Variants in SCN11A observed in about 807,000 individuals in gnomAD.
SCN11A encodes the protein sodium voltage-gated channel alpha subunit 11, also known as sodium channel protein type 11 subunit alpha.
SCN11A carries 122 observed loss-of-function variants against 162.2 expected under a neutral mutation model. The observed-to-expected ratio is 0.75, with a 90% CI of 0.65 to 0.87. The LOEUF (loss-of-function observed/expected upper bound fraction) is 0.87, where lower values mean the gene tolerates loss of function less well. SCN11A is among the 40% of genes least tolerant of loss of function. SCN11A has a pLI of 0.00. For missense variants in SCN11A, 2,015 were observed against 2,181.6 expected (o/e 0.92, Z 1.52); for synonymous variants, 758 against 751.5 (o/e 1.01, Z -0.14).
At position 38,939,884 on chromosome 3, in the gene SCN11A, CAA is replaced by C. The variant is rs545546594; in HGVS notation, c.488+5525_488+5526del. 4.8e-3 allele frequency among the ~76,000 whole-genome samples: 708 copies of C among 147,688 alleles called. 4 individuals carry two copies. Among genetic ancestry groups the C allele is most frequent in the African/African-American group, 0.016 (637 of 39,952 alleles). On this transcript the variant is annotated intron_variant, in intron 7 of 29. Transcript: ENST00000302328. The stretch of plus-strand genomic sequence containing the variant: ...CGCCATTGCACTCCAGCCTGAGCGA[CAA>C]GAGTGAAACCCCATCTCAAAAAAAA...
At chr3:38,925,097 C>A (rs542899787) in intron 9 of SCN11A, among the ~76,000 whole-genome samples, 1 of 152,070 alleles carries the variant, frequency 6.6e-6, no homozygotes, top group East Asian at 1.9e-4. Context: ...TATATTTTCC[C>A]TGGCACATAG....
At position 39,000,675 on chromosome 3, in the gene SCN11A, C is replaced by T. The variant is rs116226911; in HGVS notation, c.-280+31705G>A. ...AACTGTTACGGTTTGATCTTATTAG[C>T]ATGTATTTCATTCACTACCTAGCAC... On this transcript the variant is annotated intron_variant, in intron 2 of 29. Coordinates refer to ENST00000302328, the MANE Select transcript of SCN11A (RefSeq NM_001349253.2). 8.0e-3 allele frequency among the ~76,000 whole-genome samples: 1,213 copies of T among 152,266 alleles called. 20 individuals are homozygous for T. Among genetic ancestry groups the T allele is most frequent in the African/African-American group, 0.028 (1,168 of 41,546 alleles).
chr3:39,009,416 A>C (rs2031066642), intron 2 of SCN11A, among the ~76,000 whole-genome samples: 1 of 151,366 alleles, frequency 6.6e-6, no homozygotes. Context: ...GTGTGTGTCT[A>C]TATATATACA....
intron 2 of SCN11A, among the ~76,000 whole-genome samples, 97 bp from the exon 3 acceptor site, chr3:38,960,520 G>A (rs1219777161): frequency 6.6e-6 from 1 of 152,158 alleles, no homozygotes; most frequent in African/African-American, 2.4e-5. Flanking sequence ...GTGACTGAGA[G>A]GGTACTTACA....
intron 17 of SCN11A, among the ~76,000 whole-genome samples, chr3:38,897,431 C>T (rs1259429602): frequency 2.0e-5 from 3 of 152,152 alleles, no homozygotes; most frequent in Non-Finnish European, 4.4e-5. Flanking sequence ...AAAATGGAAA[C>T]ATTGGCCGGG....
intron 2 of SCN11A, among the ~76,000 whole-genome samples, chr3:38,985,441 T>TTAA (rs1445686330): frequency 6.6e-6 from 1 of 150,778 alleles, no homozygotes; most frequent in Non-Finnish European, 1.5e-5. Context: ...GCTGGCTGTC[T>TTAA]TAAGAATCAA....
At chr3:39,025,412 C>T (rs1575363735) in intron 2 of SCN11A, among the ~76,000 whole-genome samples, 1 of 152,300 alleles carries the variant, frequency 6.6e-6, no homozygotes, top group African/African-American at 2.4e-5. Flanking sequence ...GACAGAGGAA[C>T]AGCACAGGAC....
At chr3:38,864,373 G>A (rs1454994865) in intron 27 of SCN11A, among the ~76,000 whole-genome samples, 5 of 152,090 alleles carry the variant, frequency 3.3e-5, no homozygotes, top group Non-Finnish European at 5.9e-5. Flanking sequence ...TAGTCTTTTA[G>A]TAATCATATA....
chr3:38,886,103 G>T, intron 20 of SCN11A, 22 bp downstream of exon 20: 1 of 1,522,716 alleles, frequency 6.6e-7, no homozygotes, highest in South Asian at 1.1e-5. Flanking sequence ...AAGTTCCTCT[G>T]ACAACATCCT....
intron 6 of SCN11A, 22 bp downstream of exon 6, chr3:38,946,766 TA>T: frequency 6.8e-7 from 1 of 1,472,046 alleles, no homozygotes; most frequent in Non-Finnish European, 9.5e-7. Flanking sequence ...CTGGACTTAG[TA>T]AAAGGTGCAA....
intron 1 of SCN11A, among the ~76,000 whole-genome samples, chr3:39,037,281 T>C (rs978840860): frequency 3.3e-5 from 5 of 152,134 alleles, no homozygotes; most frequent in Admixed American, 6.5e-5. Context: ...ATTAAAACAA[T>C]TGAACTCATG....
chr3:38,917,884 C>T (rs1409608636), intron 11 of SCN11A, among the ~76,000 whole-genome samples: 1 of 152,132 alleles, frequency 6.6e-6, no homozygotes, highest in Admixed American at 6.6e-5. Context: ...CAAGTACCAC[C>T]TGTTCCCCCA....
intron 2 of SCN11A, among the ~76,000 whole-genome samples, chr3:39,026,837 G>A (rs1181879030): frequency 1.3e-5 from 2 of 152,176 alleles, no homozygotes; most frequent in African/African-American, 4.8e-5. Context: ...CCAAGGGTGG[G>A]GGATTCTAGT....
At chr3:39,020,300 T>C (rs1049702217) in intron 2 of SCN11A, among the ~76,000 whole-genome samples, 2 of 152,216 alleles carry the variant, frequency 1.3e-5, no homozygotes, top group African/African-American at 4.8e-5. Flanking sequence ...AAAAAGGATG[T>C]TCTCAATAGG....
chr3:38,856,936 T>C (rs547551070), intron 28 of SCN11A, among the ~76,000 whole-genome samples: 1 of 152,190 alleles, frequency 6.6e-6, no homozygotes, highest in East Asian at 1.9e-4. Flanking sequence ...ATAATCAAAT[T>C]AGGCTAAAAT....
At chr3:38,930,761 C>A (rs976370554) in intron 7 of SCN11A, among the ~76,000 whole-genome samples, 2 of 152,156 alleles carry the variant, frequency 1.3e-5, no homozygotes, top group African/African-American at 4.8e-5. Flanking sequence ...TACATGCCTC[C>A]TTGTATGAAG....
Position 38,925,413 on chromosome 3 carries a change from A to T in SCN11A, c.712+2T>A. ...CCAGTGTGGAAAGTGAGAGTGACTT[A>T]CGTGAAACTACTGAAATTGCTTTCA... On this transcript the variant is annotated splice_donor_variant, in intron 9 of 29. Transcript: ENST00000302328. LOFTEE classifies it high-confidence loss of function. 6.3e-7 allele frequency: 1 copy of T among 1,595,074 alleles called. No individual in the cohort carries two copies. The highest frequency in any genetic ancestry group is 8.6e-7 in the Non-Finnish European group (1 of 1,162,614).
At chr3:38,921,375 C>T in intron 9 of SCN11A, 120 bp from the exon 10 acceptor site, 1 of 866,268 alleles carries the variant, frequency 1.2e-6, no homozygotes, top group Non-Finnish European at 1.8e-6. Context: ...AACTGGACTC[C>T]AGCCTAGCCT....
At chr3:39,013,005 T>C (rs2031188964) in intron 2 of SCN11A, among the ~76,000 whole-genome samples, 1 of 152,236 alleles carries the variant, frequency 6.6e-6, no homozygotes, top group African/African-American at 2.4e-5. Flanking sequence ...TGAGGATGGC[T>C]AAAAATGTAC....
Sources: allele counts gnomAD v4.1 joint callset (sites outside exome capture counted in the v4.1 genomes callset), GRCh38; gene constraint gnomAD v4.1.1; transcripts MANE v1.5; gene names NCBI Gene and HGNC (gene_info 2026-07-23, HGNC 2026-07-21).